EIF4A3: variants seen among roughly 807,000 people sequenced by gnomAD.
EIF4A3 encodes the protein eukaryotic translation initiation factor 4A3, also known as eukaryotic initiation factor 4A-III.
In EIF4A3, 1 loss-of-function variant was observed where a neutral mutation model predicts 55.6. That is an observed-to-expected ratio of 0.02 (90% CI 0.01 to 0.09). EIF4A3 has a LOEUF of 0.09. Among genes scored for constraint, EIF4A3 ranks in the 10% least tolerant of loss-of-function variants. EIF4A3 has a pLI of 1.00. For synonymous variants in EIF4A3, 194 were observed against 196.3 expected (o/e 0.99, Z 0.10); for missense variants, 221 against 540.7 (o/e 0.41, Z 5.86).
intron 1 of EIF4A3, among the ~76,000 whole-genome samples, chr17:80,145,765 G>A (rs150628485): frequency 2.0e-5 from 3 of 152,016 alleles, no homozygotes; most frequent in Non-Finnish European, 2.9e-5. Context: ...TCTCTGGAGT[G>A]CTGCCTACCT....
chr17:80,140,261 GA>G, intron 4 of EIF4A3, 121 bp from the exon 5 acceptor site: 1 of 1,200,264 alleles, frequency 8.3e-7, no homozygotes, highest in Non-Finnish European at 1.1e-6. Flanking sequence ...TTATTATCTC[GA>G]AACCACAAAA....
chr17:80,139,114 G>A lies in EIF4A3; in HGVS notation c.635C>T (p.Thr212Ile). The stretch of plus-strand genomic sequence containing the variant: ...CGTGGCACTGATGAGAACCACCTGT[G>A]TGGCTGGAGGCAGGTACCTGTATAC... ...YDVYRYLPPA[T>I]QVVLISATLP... The change falls in exon 7 of 12, where the codon ACA becomes ATA. Residue 212 changes from threonine to isoleucine, a missense_variant. By Grantham distance (89) the Thr-to-Ile change is moderately conservative. This residue lies in a region of EIF4A3 where 93 missense variants were observed against 278.5 expected (regional missense o/e 0.33). Transcript: ENST00000649764. 1 of 1,614,134 alleles carries A rather than the reference G, an allele frequency of 6.2e-7. No individual in the cohort carries two copies. Among genetic ancestry groups the A allele is most frequent in the Non-Finnish European group, 8.5e-7 (1 of 1,180,044 alleles).
At chr17:80,137,529 G>C (rs780388767) in intron 8 of EIF4A3, 28 bp from the exon 9 acceptor site, 1 of 1,581,604 alleles carries the variant, frequency 6.3e-7, no homozygotes, top group Non-Finnish European at 8.7e-7. Context: ...AGATGCTACT[G>C]CAAGCTAGTA....
In EIF4A3 at chr17:80,137,222, C is replaced by A. The variant is rs1448247721; in HGVS notation, c.983+164G>T. 2.0e-5 allele frequency: 11 copies of A among 556,914 alleles called. No individual in the cohort carries two copies. In the East Asian group the frequency reaches 3.4e-4, roughly 17 times the overall value. The allele number at this position is 556,914 out of a possible 1,614,324, so 34.5% of individuals were successfully genotyped here. On this transcript the variant is annotated intron_variant, in intron 9 of 11. Transcript: ENST00000649764. ...TAAGTATTACAGGAGCACAGCGGAC[C>A]CCTCCTTAACTGGAAGGTTTTCTGC...
At chr17:80,143,238 C>T (rs1434460161) in intron 2 of EIF4A3, among the ~76,000 whole-genome samples, 1 of 152,060 alleles carries the variant, frequency 6.6e-6, no homozygotes, top group Non-Finnish European at 1.5e-5. Context: ...ACCACCCGCC[C>T]CTTGGAGGCT....
At position 80,136,311 on chromosome 17, in the gene EIF4A3, G is replaced by A. The variant is rs1282719187; in HGVS notation, c.1008C>T (p.Val336=). ...GASRVLISTD[V]WARGLDVPQV... Reference sequence around the variant, plus strand: ...GAGGGACATCCAACCCCCTGGCCCAGACATCTGTAGAAATAAGCACTCGGC... The same window carrying A: ...GAGGGACATCCAACCCCCTGGCCCAAACATCTGTAGAAATAAGCACTCGGC... Residue 336 remains valine, a synonymous_variant, in exon 10 of 12, where the codon GTC becomes GTT. Transcript: ENST00000649764. 1.2e-6 allele frequency: 2 copies of A among 1,613,902 alleles called. No individual in the cohort carries two copies. Among genetic ancestry groups the A allele is most frequent in the East Asian group, 2.2e-5 (1 of 44,904 alleles).
chr17:80,135,168 G>GA lies in EIF4A3; in HGVS notation c.*321dup, dbSNP rs2039560542. ...CTGTCTCAAAAAAAAAAAAGAAAAA[G>GA]AAAAGAAAAAAAGAAAAGTGAGTGA... On this transcript the variant is annotated 3_prime_UTR_variant, in exon 12 of 12. Transcript: ENST00000649764. 2.4e-4 allele frequency: 61 copies of GA among 258,164 alleles called. No individual in the cohort carries two copies. The highest frequency in any genetic ancestry group is 3.3e-4 in the Non-Finnish European group (45 of 137,872). 16.0% of individuals were successfully genotyped at this position (258,164 alleles called of 1,614,324 possible).
chr17:80,135,883 A>T (rs1035948890), intron 11 of EIF4A3, 121 bp downstream of exon 11: 2 of 1,389,516 alleles, frequency 1.4e-6, no homozygotes, highest in African/African-American at 2.9e-5. Context: ...TGACAGAGCG[A>T]AACTTCGTCT....
In EIF4A3 at chr17:80,135,443, A is replaced by G. The variant is rs897105334; in HGVS notation, c.*47T>C. The G allele has an allele frequency of 6.5e-7, 1 of 1,539,580 alleles. No homozygotes were observed. The highest frequency in any genetic ancestry group is 8.7e-7 in the Non-Finnish European group (1 of 1,144,352). Reference sequence around the variant, plus strand: ...CTGGATCTAAATACTTCCAAACAGGAGTACACAGCAGGTGAACAGTCTCCC... The same window carrying G: ...CTGGATCTAAATACTTCCAAACAGGGGTACACAGCAGGTGAACAGTCTCCC... On this transcript the variant is annotated 3_prime_UTR_variant, in exon 12 of 12. Coordinates refer to ENST00000649764, the MANE Select transcript of EIF4A3 (RefSeq NM_014740.4).
In EIF4A3 at chr17:80,139,716, A is replaced by G; in HGVS notation, c.540T>C (p.Ala180=). 1.9e-6 allele frequency: 3 copies of G among 1,614,052 alleles called. No homozygotes were observed. The highest frequency in any genetic ancestry group is 2.5e-6 in the Non-Finnish European group (3 of 1,179,986). Residue 180 remains alanine, a synonymous_variant, in exon 6 of 12, where the codon GCT becomes GCC. Transcript: ENST00000649764. ...MIRRRSLRTR[A]IKMLVLDEAD... is the part of the protein sequence containing the mutation. ...CTTCATCCAAAACCAACATTTTGAT[A>G]GCACGTGTCCTTAGGCTTCTGCGAC...
chr17:80,147,040 GACCTC>G lies in EIF4A3; in HGVS notation c.-84_-80del. 7.3e-7 allele frequency: 1 copy of G among 1,363,382 alleles called. No homozygotes were observed. The highest frequency in any genetic ancestry group is 1.5e-5 in the South Asian group (1 of 66,676). 84.5% of individuals were successfully genotyped at this position (1,363,382 alleles called of 1,614,324 possible). On this transcript the variant is annotated 5_prime_UTR_variant, in exon 1 of 12. Coordinates refer to ENST00000649764, the MANE Select transcript of EIF4A3 (RefSeq NM_014740.4). ...CTGCCGACCTCGCTGTGCCGCTGCC[GACCTC>G]GCTGCCGCTGCCGACCTCGCTGTGC... is the stretch of plus-strand genomic sequence containing the variant.
intron 2 of EIF4A3, 43 bp downstream of exon 2, chr17:80,144,129 C>T (rs1187948351): frequency 6.2e-7 from 1 of 1,602,996 alleles, no homozygotes; most frequent in Non-Finnish European, 8.5e-7. Context: ...CTGCGCTGCC[C>T]AAATTTACAT....
In EIF4A3 at chr17:80,135,335, G is replaced by T; in HGVS notation, c.*155C>A. 1 of 693,840 alleles carries T rather than the reference G, an allele frequency of 1.4e-6. No homozygotes were observed. The highest frequency in any genetic ancestry group is 2.3e-6 in the Non-Finnish European group (1 of 438,538). 43.0% of individuals were successfully genotyped at this position (693,840 alleles called of 1,614,324 possible). On this transcript the variant is annotated 3_prime_UTR_variant, in exon 12 of 12. Coordinates refer to ENST00000649764, the MANE Select transcript of EIF4A3 (RefSeq NM_014740.4). ...TACATGTAAATAAGAAAAGAGAGCA[G>T]AATCCCCATATCCTCTTCAAAGGAA...
intron 6 of EIF4A3, 150 bp downstream of exon 6, chr17:80,139,520 T>C (rs2039600515): frequency 1.4e-6 from 1 of 726,968 alleles, no homozygotes; most frequent in Admixed American, 3.1e-5. Context: ...TAGGAATTTT[T>C]TGTTCATAAT....
chr17:80,141,209 T>C lies in EIF4A3; in HGVS notation c.372+110A>G. ...GCAAAATGTTAATCAGGAAGAAAAT[T>C]TTGAGGTATCAGAAAACAGGATTGG... is the stretch of plus-strand genomic sequence containing the variant. On this transcript the variant is annotated intron_variant, in intron 4 of 11. Transcript: ENST00000649764. 5.1e-6 allele frequency: 6 copies of C among 1,168,004 alleles called. No homozygotes were observed. The Middle Eastern group carries it at 1.2e-3, about 239-fold the overall frequency. The allele number at this position is 1,168,004 out of a possible 1,614,324, so 72.4% of individuals were successfully genotyped here.
At chr17:80,145,364 G>C (rs1208047041) in intron 1 of EIF4A3, among the ~76,000 whole-genome samples, 4 of 152,118 alleles carry the variant, frequency 2.6e-5, no homozygotes, top group Admixed American at 1.3e-4. Context: ...AGGAGTTCAA[G>C]ACCAGCCTGG....
intron 7 of EIF4A3, chr17:80,138,549 TA>T (rs1352288707): frequency 2.3e-6 from 1 of 438,534 alleles, no homozygotes; most frequent in Non-Finnish European, 4.1e-6. Flanking sequence ...ACCTAATTTT[TA>T]AATTTAGAAT....
At chr17:80,137,119 T>TA in intron 9 of EIF4A3, 1 of 333,500 alleles carries the variant, frequency 3.0e-6, no homozygotes, top group Non-Finnish European at 5.4e-6. Context: ...AAAACCCCCC[T>TA]ACTTACTGGA....
At chr17:80,142,052 C>T (rs1412309033) in intron 2 of EIF4A3, among the ~76,000 whole-genome samples, 1 of 152,188 alleles carries the variant, frequency 6.6e-6, no homozygotes, top group Non-Finnish European at 1.5e-5. Context: ...GTAGACATGG[C>T]TTCTGCACGG....
Sources: gnomAD v4.1 joint callset for allele counts (sites outside exome capture counted in the v4.1 genomes callset) on GRCh38, gnomAD v4.1.1 for gene constraint, gnomAD v4.1.1 regional missense constraint, MANE v1.5 for transcripts, NCBI Gene and HGNC (gene_info 2026-07-23, HGNC 2026-07-21) for gene names.